The following SPAG8 variants were observed in gnomAD, a reference collection of about 807,000 sequenced individuals.
SPAG8 encodes sperm associated antigen 8, also known as sperm-associated antigen 8.
In SPAG8, 36 loss-of-function variants were observed where a neutral mutation model predicts 45.3. That is an observed-to-expected ratio of 0.80 (90% confidence interval 0.61 to 1.05). SPAG8 has a LOEUF of 1.05. Ranked by LOEUF, SPAG8 falls within the 50% of genes least tolerant of loss-of-function variation. SPAG8 has a pLI of 0.00. For synonymous variants in SPAG8, 227 were observed against 232.6 expected, an observed-to-expected ratio of 0.98 and a Z score of 0.22; for missense variants, 573 against 609.2, an observed-to-expected ratio of 0.94 and a Z score of 0.63.
At chr9:35,810,221 C>G in intron 6 of SPAG8, 26 bp downstream of exon 6, 1 of 1,613,638 alleles carries the variant, frequency 6.2e-7, no homozygotes, top group Non-Finnish European at 8.5e-7. Flanking sequence ...CCGCTCTGCC[C>G]CCAACACCTA....
rs370935982 is a variant in SPAG8, at chr9:35,810,694, T to G, written c.1040-12A>C. The G allele has an allele frequency of 8.7e-6, 14 of 1,613,550 alleles. No individual in the cohort carries two copies. The South Asian group carries it at 1.5e-4, about 18-fold the overall frequency. The stretch of plus-strand genomic sequence containing the variant: ...GGCTTCACGCTTCCCTGTGAGAGAG[T>G]TGGGGGGTGGGCAAGGTGGGGTCTG... On this transcript the variant is annotated splice_polypyrimidine_tract_variant and intron_variant, in intron 3 of 6. Transcript: ENST00000396638.
intron 5 of SPAG8, 25 bp downstream of exon 5, chr9:35,810,414 C>T (rs770648047): frequency 8.2e-5 from 70 of 855,584 alleles, no homozygotes; most frequent in Non-Finnish European, 1.2e-4. Context: ...GTGCAAGTGG[C>T]GGGGGATGGG....
Position 35,809,823 on chromosome 9 carries a change from G to C in SPAG8, c.*115C>G. 5.8e-6 allele frequency: 9 copies of C among 1,542,164 alleles called. No homozygotes were observed. The highest frequency in any genetic ancestry group is 1.3e-5 in the South Asian group (1 of 79,054). ...CTAAATTAGCAGTCTTGGGATGAGA[G>C]AGAACCCTTTATGTAAAGCCTCTTC... On this transcript the variant is annotated 3_prime_UTR_variant, in exon 7 of 7. Coordinates refer to ENST00000396638, the MANE Select transcript of SPAG8 (RefSeq NM_001039592.2). This position sits in a 1 kb window ranked among gnomAD's most constrained non-coding sequence, Gnocchi z 4.1.
chr9:35,807,879 C>T (rs1828491193), downstream of SPAG8, among the ~76,000 whole-genome samples: 1 of 152,144 alleles, frequency 6.6e-6, no homozygotes. Flanking sequence ...TTAGGTAAGT[C>T]ACAGAATCTC....
At position 35,810,236 on chromosome 9, in the gene SPAG8, C is replaced by G; in HGVS notation, c.1263+11G>C. 1 of 1,614,102 alleles carries G rather than the reference C, an allele frequency of 6.2e-7. No individual in the cohort carries two copies. Among genetic ancestry groups the G allele is most frequent in the South Asian group, 1.1e-5 (1 of 91,090 alleles). ...CCGCTCTGCCCCCAACACCTAGTCA[C>G]CCTCACACACCGGCAGCTGTGGTGC... On this transcript the variant is annotated intron_variant, in intron 6 of 6. Transcript: ENST00000396638.
chr9:35,809,828 C>A lies in SPAG8; in HGVS notation c.*110G>T, dbSNP rs1264970775. 7 of 1,538,940 alleles carry A rather than the reference C, an allele frequency of 4.5e-6. No homozygotes were observed. In the East Asian group the frequency reaches 1.6e-4, roughly 35 times the overall value. On this transcript the variant is annotated 3_prime_UTR_variant, in exon 7 of 7. Transcript: ENST00000396638. The surrounding 1 kb of genome is among the most constrained non-coding windows in gnomAD (Gnocchi z 4.1). The stretch of plus-strand genomic sequence containing the variant: ...TTAGCAGTCTTGGGATGAGAGAGAA[C>A]CCTTTATGTAAAGCCTCTTCAAGTA...
chr9:35,811,050 G>C lies in SPAG8; in HGVS notation c.872C>G (p.Thr291Ser). The C allele has an allele frequency of 6.2e-7, 1 of 1,612,804 alleles. No homozygotes were observed. The highest frequency in any genetic ancestry group is 1.7e-5 in the Admixed American group (1 of 59,848). The stretch of plus-strand genomic sequence containing the variant: ...GCTTGGGACTTGATCCAGGTGGTTG[G>C]TGGCTCTCTGTGGATCCCAAGTTGA... ...LLYNWEEERA[T>S]NHLDQVPSMQ... is the part of the protein sequence containing the mutation. Residue 291 changes from threonine (T) to serine (S), a missense_variant, in exon 3 of 7, where the codon ACC (threonine) becomes AGC (serine). By Grantham distance (58) the Thr-to-Ser change is moderately conservative. Coordinates refer to ENST00000396638, the MANE Select transcript of SPAG8 (RefSeq NM_001039592.2).
Position 35,811,773 on chromosome 9 carries a change from G to A in SPAG8, c.273C>T (p.Ser91=). 6.2e-7 allele frequency: 1 copy of A among 1,614,246 alleles called. No homozygotes were observed. Among genetic ancestry groups the A allele is most frequent in the African/African-American group, 1.3e-5 (1 of 75,064 alleles). Residue 91 remains serine, a synonymous_variant, in exon 2 of 7, where the codon AGC becomes AGT. Coordinates refer to ENST00000396638, the MANE Select transcript of SPAG8 (RefSeq NM_001039592.2). ...GTCCCGCACAGGGCTCCCCAAGAAG[G>A]CTGGGGTCAGAGGACGGCTCCATGA... ...SEFMEPSSDP[S]LLGEPCAGPG... is the part of the protein sequence containing the mutation.
chr9:35,808,135 G>T, downstream of SPAG8: 8 of 1,454,366 alleles, frequency 5.5e-6, no homozygotes, highest in Non-Finnish European at 7.7e-6. This position sits in a 1 kb window ranked among gnomAD's most constrained non-coding sequence, Gnocchi z 4.0. Flanking sequence ...TGACAGTTTG[G>T]GCTGTCAGGT....
Position 35,810,559 on chromosome 9 carries a change from T to C in SPAG8, c.1086-6A>G, listed in dbSNP as rs1252914249. 1.2e-6 allele frequency: 2 copies of C among 1,614,080 alleles called. No individual in the cohort carries two copies. Among genetic ancestry groups the C allele is most frequent in the South Asian group, 2.2e-5 (2 of 91,084 alleles). On this transcript the variant is annotated splice_region_variant and splice_polypyrimidine_tract_variant and intron_variant, in intron 4 of 6. Transcript: ENST00000396638. ...GTTCTGCCTGCACCTCTTTACTATG[T>C]AGCCCGAGGGGTGTCAAGGCCATTC... is the stretch of plus-strand genomic sequence containing the variant.
rs1563997240 is a variant in SPAG8 at position 35,810,923 on chromosome 9, GTC to G, written c.997_998del (p.Asp333LeufsTer17). On this transcript the variant is annotated frameshift_variant, in exon 3 of 7. Coordinates refer to ENST00000396638, the MANE Select transcript of SPAG8 (RefSeq NM_001039592.2). LOFTEE classifies it high-confidence loss of function. Reference protein sequence around the residue: ...SPMPSSTTQKDSYQPPGNVYW... With the variant: ...SPMPSSTTQKXSYQPPGNVYW... ...AGACGTTTCCTGGTGGCTGGTACGAGTCTTTCTGGGTGGTGCTGGAGGGCATG... is the reference window on the plus strand; with the variant it reads ...AGACGTTTCCTGGTGGCTGGTACGAGTTTCTGGGTGGTGCTGGAGGGCATG... 1 of 1,614,060 alleles carries G rather than the reference GTC, an allele frequency of 6.2e-7. No homozygotes were observed. Among genetic ancestry groups the G allele is most frequent in the East Asian group, 2.2e-5 (1 of 44,878 alleles).
chr9:35,809,031 A>G (rs1344832594), downstream of SPAG8: 2 of 1,048,246 alleles, frequency 1.9e-6, no homozygotes, highest in African/African-American at 3.1e-5. This position sits in a 1 kb window ranked among gnomAD's most constrained non-coding sequence, Gnocchi z 4.1. Flanking sequence ...TGGTCCTAAT[A>G]GATATGCATT....
chr9:35,808,990 A>G, downstream of SPAG8: 1 of 926,842 alleles, frequency 1.1e-6, no homozygotes, highest in African/African-American at 1.6e-5. The surrounding 1 kb of genome is among the most constrained non-coding windows in gnomAD (Gnocchi z 4.0). Context: ...TTTGGTTCTA[A>G]TAGATATGCA....
chr9:35,811,868 C>CTGCAGCAGCTGA lies in SPAG8; in HGVS notation c.166_177dup (p.Ser56_Ala59dup), dbSNP rs753030656. The CTGCAGCAGCTGA allele has an allele frequency of 1.4e-5, 23 of 1,610,586 alleles. No homozygotes were observed. Among genetic ancestry groups the CTGCAGCAGCTGA allele is most frequent in the Admixed American group, 1.0e-4 (6 of 59,976 alleles). On this transcript the variant is annotated inframe_insertion, in exon 2 of 7. Coordinates refer to ENST00000396638, the MANE Select transcript of SPAG8 (RefSeq NM_001039592.2). ...TTGGCAGTGGTGAAGGCTGCAGTAG[C>CTGCAGCAGCTGA]TGCAGCAGCTGATGCAGCCGCTGCA...
In SPAG8 at chr9:35,811,861, G is replaced by C. The variant is rs1416592295; in HGVS notation, c.185C>G (p.Ala62Gly). The change falls in exon 2 of 7, where the codon GCA becomes GGA. Residue 62 changes from alanine to glycine, a missense_variant. Ala to Gly is a moderately conservative substitution (Grantham distance 60). Coordinates refer to ENST00000396638, the MANE Select transcript of SPAG8 (RefSeq NM_001039592.2). ...AGCTGCTTTGGCAGTGGTGAAGGCT[G>C]CAGTAGCTGCAGCAGCTGATGCAGC... ...AAAASAAAAT[A>G]AFTTAKAAAL... is the part of the protein sequence containing the mutation. The C allele has an allele frequency of 6.2e-7, 1 of 1,610,870 alleles. No homozygotes were observed.
chr9:35,810,436 C>T lies in SPAG8; in HGVS notation c.1200+3G>A, dbSNP rs769740983. ...TGGCGGGGGATGGGGGGTGGGTTCT[C>T]ACCTTTGTTGGGGCAGGAGTCCCTG... On this transcript the variant is annotated splice_donor_region_variant and intron_variant, in intron 5 of 6. Transcript: ENST00000396638. 3.3e-5 allele frequency: 54 copies of T among 1,613,226 alleles called. No individual in the cohort carries two copies. In the East Asian group the frequency reaches 1.2e-3, roughly 35 times the overall value.
Position 35,810,668 on chromosome 9 carries a change from T to C in SPAG8, c.1054A>G (p.Met352Val). 6.2e-7 allele frequency: 1 copy of C among 1,611,678 alleles called. No individual in the cohort carries two copies. The highest frequency in any genetic ancestry group is 1.1e-5 in the South Asian group (1 of 91,016). ...YWPLRGKREA[M>V]LEMLLQHQIC... Reference sequence around the variant, plus strand: ...TGATGCTGCAGGAGCATCTCCAGCATGGCTTCACGCTTCCCTGTGAGAGAG... The same window carrying C: ...TGATGCTGCAGGAGCATCTCCAGCACGGCTTCACGCTTCCCTGTGAGAGAG... The change falls in exon 4 of 7, where the codon ATG (methionine) becomes GTG (valine). Residue 352 changes from methionine to valine, a missense_variant. Transcript: ENST00000396638.
At chr9:35,811,160 G>C (rs368907448) in intron 2 of SPAG8, 22 bp downstream of exon 2, 1 of 1,556,000 alleles carries the variant, frequency 6.4e-7, no homozygotes, top group Non-Finnish European at 8.7e-7. Flanking sequence ...CAAGAAAAGG[G>C]AGCAGGCCAA....
rs1157986417 is a variant in SPAG8 at position 35,810,630 on chromosome 9, C to T, written c.1085+7G>A. On this transcript the variant is annotated splice_region_variant and intron_variant, in intron 4 of 6. Transcript: ENST00000396638. ...CCATCCCTCTTCCCCTTTACCCAATCCCTTACCAGATCTGATGCTGCAGGA... is the reference window on the plus strand; with the variant it reads ...CCATCCCTCTTCCCCTTTACCCAATTCCTTACCAGATCTGATGCTGCAGGA... 1 of 1,614,054 alleles carries T rather than the reference C, an allele frequency of 6.2e-7. No individual in the cohort carries two copies. The highest frequency in any genetic ancestry group is 2.2e-5 in the East Asian group (1 of 44,894).
Sources: allele counts gnomAD v4.1 joint callset (sites outside exome capture counted in the v4.1 genomes callset), GRCh38; gene constraint gnomAD v4.1.1; non-coding constraint Gnocchi (gnomAD v3.1); transcripts MANE v1.5; gene names NCBI Gene and HGNC (gene_info 2026-07-23, HGNC 2026-07-21).